IQSEC1: variants seen among roughly 807,000 people sequenced by gnomAD.
IQSEC1 encodes IQ motif and Sec7 domain ArfGEF 1.
IQSEC1 carries 31 observed loss-of-function variants against 91.0 expected under a neutral mutation model. The observed-to-expected ratio is 0.34, with a 90% CI of 0.26 to 0.46. The LOEUF is 0.46. Among genes scored for constraint, IQSEC1 ranks in the 20% least tolerant of loss-of-function variants. The pLI, the probability that IQSEC1 is intolerant of heterozygous loss-of-function variation, is 1.00. For synonymous variants in IQSEC1, 699 were observed against 662.6 expected (o/e 1.05, Z -0.84); for missense variants, 1,388 against 1,575.6 (o/e 0.88, Z 2.02).
intron 1 of IQSEC1, among the ~76,000 whole-genome samples, chr3:13,053,732 G>A (rs1704778666): frequency 6.6e-6 from 1 of 152,208 alleles, no homozygotes; most frequent in Admixed American, 6.5e-5. Context: ...GACCCTGGAA[G>A]GGGTTGTGTG....
chr3:12,946,462 C>T (rs528824758), intron 1 of IQSEC1, among the ~76,000 whole-genome samples: 48 of 152,342 alleles, frequency 3.2e-4, no homozygotes, highest in South Asian at 8.3e-4. Context: ...AGGTGGCTGC[C>T]GCCCAGCCCC....
intron 1 of IQSEC1, among the ~76,000 whole-genome samples, chr3:13,031,605 T>C (rs1164873808): frequency 1.3e-5 from 2 of 152,142 alleles, no homozygotes; most frequent in African/African-American, 4.8e-5. Context: ...CTTGAGAACC[T>C]ACTGTGTGCC....
chr3:13,199,411 C>G (rs554736191), intron 1 of IQSEC1, among the ~76,000 whole-genome samples: 1 of 152,166 alleles, frequency 6.6e-6, no homozygotes, highest in Non-Finnish European at 1.5e-5. Context: ...GGACAGGGGC[C>G]GTCCAGGGAC....
Position 12,908,537 on chromosome 3 carries a change from AG to A in IQSEC1, c.2579-13del. The A allele has an allele frequency of 1.9e-6, 3 of 1,613,364 alleles. No individual in the cohort carries two copies. The highest frequency in any genetic ancestry group is 8.5e-7 in the Non-Finnish European group (1 of 1,179,992). ...CTTCTCGAGCTCCGCTGGAACAGAGAGGGTGAGGGTCCTGGTGAGAGGAGCA... is the reference window on the plus strand; with the variant it reads ...CTTCTCGAGCTCCGCTGGAACAGAGAGGTGAGGGTCCTGGTGAGAGGAGCA... On this transcript the variant is annotated splice_polypyrimidine_tract_variant and intron_variant, in intron 11 of 13. Transcript: ENST00000613206. The surrounding 1 kb of genome is among the most constrained non-coding windows in gnomAD (Gnocchi z 4.9).
At chr3:13,121,197 C>T (rs1397986464) in intron 2 of IQSEC1, among the ~76,000 whole-genome samples, 4 of 152,238 alleles carry the variant, frequency 2.6e-5, no homozygotes, top group African/African-American at 9.6e-5. Context: ...GCACCTCTGC[C>T]TGAGTCATCG....
chr3:12,972,039 A>C (rs942783401), intron 1 of IQSEC1, among the ~76,000 whole-genome samples: 4 of 151,272 alleles, frequency 2.6e-5, no homozygotes, highest in African/African-American at 4.9e-5. Flanking sequence ...ACAAACAAAC[A>C]AACAAAAACA....
At chr3:13,090,782 C>T (rs1227245751) in intron 2 of IQSEC1, among the ~76,000 whole-genome samples, 1 of 152,150 alleles carries the variant, frequency 6.6e-6, no homozygotes, top group Non-Finnish European at 1.5e-5. Flanking sequence ...ACCTGGCACC[C>T]TGTGACTCGT....
intron 1 of IQSEC1, among the ~76,000 whole-genome samples, chr3:13,040,000 C>T (rs1209010518): frequency 2.0e-5 from 3 of 152,242 alleles, no homozygotes; most frequent in Admixed American, 6.5e-5. Context: ...GACTCCACTT[C>T]GTGGCATTAG....
At chr3:13,062,363 T>G (rs1467803512) in intron 1 of IQSEC1, among the ~76,000 whole-genome samples, 3 of 152,226 alleles carry the variant, frequency 2.0e-5, no homozygotes, top group Non-Finnish European at 4.4e-5. Flanking sequence ...TCTGTCCTGA[T>G]GGCCACCCTG....
chr3:13,235,724 C>T (rs748966884), intron 1 of IQSEC1, among the ~76,000 whole-genome samples: 2 of 152,236 alleles, frequency 1.3e-5, no homozygotes, highest in East Asian at 1.9e-4. Flanking sequence ...CTATCACATT[C>T]TTCTTCCCTT....
At chr3:12,986,735 A>T (rs1408270840) in intron 1 of IQSEC1, among the ~76,000 whole-genome samples, 1 of 152,128 alleles carries the variant, frequency 6.6e-6, no homozygotes. Flanking sequence ...CTAGGCACTG[A>T]AGAGGACGAG....
rs1205441472 is a variant in IQSEC1, at chr3:12,924,627, C to T, written c.1684G>A (p.Glu562Lys). The stretch of plus-strand genomic sequence containing the variant: ...TGCTTCTGCCGGTTGCCCAGGAACT[C>T]GCCGATCATCTGCCGGCTGAGGCCC... The part of the protein sequence containing the change: ...RKGLSRQMIG[E>K]FLGNRQKQFN... Residue 562 changes from glutamate (E) to lysine (K), a missense_variant, in exon 4 of 14, where the codon GAG becomes AAG. Physicochemically the swap from Glu to Lys is moderately conservative, Grantham distance 56 (BLOSUM62 1). This residue lies in a region of IQSEC1 where 1,059 missense variants were observed against 1,317.8 expected (regional missense o/e 0.80). Coordinates refer to ENST00000613206, the MANE Select transcript of IQSEC1 (RefSeq NM_001134382.3). This position sits in a 1 kb window ranked among gnomAD's most constrained non-coding sequence, Gnocchi z 6.3. 1.9e-6 allele frequency: 3 copies of T among 1,611,004 alleles called. No homozygotes were observed. Among genetic ancestry groups the T allele is most frequent in the Non-Finnish European group, 2.5e-6 (3 of 1,178,418 alleles).
chr3:12,905,600 A>G (rs1176403080), intron 12 of IQSEC1, among the ~76,000 whole-genome samples: 1 of 152,162 alleles, frequency 6.6e-6, no homozygotes, highest in African/African-American at 2.4e-5. Flanking sequence ...GTGCTGCACC[A>G]TGTTCTCTGC....
At position 13,259,182 on chromosome 3, in the gene IQSEC1, C is replaced by T. The variant is rs1166086457; in HGVS notation, c.272+23529G>A. On this transcript the variant is annotated intron_variant, in intron 1 of 15. Transcript: ENST00000648114. The surrounding 1 kb of genome is among the most constrained non-coding windows in gnomAD (Gnocchi z 4.6). ...GGGCCACACCGCTCCACCTCCACCA[C>T]CCTCTGCCATGCAGGCCCTGGGACG... Among the ~76,000 whole-genome samples the T allele has an allele frequency of 6.6e-6, 1 of 152,206 alleles. No individual in the cohort carries two copies. Among genetic ancestry groups the T allele is most frequent in the East Asian group, 1.9e-4 (1 of 5,206 alleles).
intron 9 of IQSEC1, among the ~76,000 whole-genome samples, chr3:12,912,781 G>A (rs1695694408): frequency 1.3e-5 from 2 of 152,092 alleles, no homozygotes; most frequent in African/African-American, 2.4e-5. Flanking sequence ...TCTCTGCAGT[G>A]GGCACTTCTG....
intron 1 of IQSEC1, among the ~76,000 whole-genome samples, chr3:13,016,643 T>C (rs1703146301): frequency 6.6e-6 from 1 of 152,154 alleles, no homozygotes; most frequent in South Asian, 2.1e-4. Context: ...CCAGCTGCTC[T>C]CTCTGCCTGC....
At chr3:13,100,390 A>G (rs1706036282) in intron 2 of IQSEC1, among the ~76,000 whole-genome samples, 1 of 148,570 alleles carries the variant, frequency 6.7e-6, no homozygotes, top group Non-Finnish European at 1.5e-5. Flanking sequence ...TTCATCCTCA[A>G]GTGCCTAACC....
chr3:12,958,021 G>A (rs1271226600), intron 1 of IQSEC1, among the ~76,000 whole-genome samples: 3 of 152,214 alleles, frequency 2.0e-5, no homozygotes, highest in Admixed American at 6.5e-5. Flanking sequence ...CCAAGGCCGC[G>A]TGACTCACAA....
intron 1 of IQSEC1, among the ~76,000 whole-genome samples, chr3:13,203,317 A>C (rs1413226178): frequency 1.3e-5 from 2 of 152,168 alleles, no homozygotes; most frequent in African/African-American, 4.8e-5. Context: ...CACTGCCACT[A>C]GTTCTTGGAA....
Sources: allele counts gnomAD v4.1 joint callset (sites outside exome capture counted in the v4.1 genomes callset), GRCh38; gene constraint gnomAD v4.1.1; regional missense constraint gnomAD v4.1.1; non-coding constraint Gnocchi (gnomAD v3.1); transcripts MANE v1.5; gene names NCBI Gene and HGNC (gene_info 2026-07-23, HGNC 2026-07-21).